Variants in FCER2 observed in about 807,000 individuals in gnomAD.
FCER2 encodes the protein low affinity immunoglobulin epsilon Fc receptor.
In FCER2, 38 loss-of-function variants were observed where a neutral mutation model predicts 49.7. The ratio of observed to expected loss-of-function variants is 0.76; its 90% CI spans 0.59 to 1.00. The LOEUF (loss-of-function observed/expected upper bound fraction) is 1.00, where lower values mean the gene tolerates loss of function less well. FCER2 is among the 50% of genes least tolerant of loss of function. FCER2 has a pLI of 0.00. For synonymous variants in FCER2, 163 were observed against 164.6 expected, an observed-to-expected ratio of 0.99 and a Z score of 0.07; for missense variants, 425 against 419.5, an observed-to-expected ratio of 1.01 and a Z score of -0.11.
At chr19:7,699,507 GTC>G in intron 2 of FCER2, 4 of 1,315,116 alleles carry the variant, frequency 3.0e-6, no homozygotes, top group Non-Finnish European at 3.9e-6. Flanking sequence ...TTCTTTTTTT[GTC>G]AGGAGGGTGT....
intron 8 of FCER2, among the ~76,000 whole-genome samples, chr19:7,696,118 T>G (rs964169315): frequency 2.2e-4 from 34 of 151,660 alleles, no homozygotes; most frequent in African/African-American, 8.0e-4. Flanking sequence ...AAATTTTTAT[T>G]GAGATGGAGT....
At chr19:7,690,824 A>G (rs1470210795) in intron 8 of FCER2, among the ~76,000 whole-genome samples, 7 of 151,966 alleles carry the variant, frequency 4.6e-5, no homozygotes, top group Admixed American at 3.9e-4. Flanking sequence ...CAACACCTCA[A>G]CTACCATCAG....
At chr19:7,691,866 T>A (rs1019278086) in intron 8 of FCER2, among the ~76,000 whole-genome samples, 1 of 152,024 alleles carries the variant, frequency 6.6e-6, no homozygotes, top group African/African-American at 2.4e-5. Flanking sequence ...GCAAACACTG[T>A]CACCACAAAC....
At chr19:7,696,940 C>A in intron 7 of FCER2, 26 bp from the exon 8 acceptor site, 1 of 1,566,108 alleles carries the variant, frequency 6.4e-7, no homozygotes, top group Non-Finnish European at 8.7e-7. Context: ...AGGGGCGGTG[C>A]TCAGAGACCA....
chr19:7,691,027 G>A (rs981516140), intron 8 of FCER2, among the ~76,000 whole-genome samples: 4 of 151,606 alleles, frequency 2.6e-5, no homozygotes, highest in Non-Finnish European at 5.9e-5. Flanking sequence ...ATGCATTCAC[G>A]TCCAACAACG....
In FCER2 at chr19:7,699,628, T is replaced by C. The variant is rs1011682356; in HGVS notation, c.22+111A>G. 7 of 1,290,584 alleles carry C rather than the reference T, an allele frequency of 5.4e-6. No homozygotes were observed. The African/African-American group carries it at 1.1e-4, about 19-fold the overall frequency. 79.9% of individuals were successfully genotyped at this position (1,290,584 alleles called of 1,614,324 possible). On this transcript the variant is annotated intron_variant, in intron 2 of 10. Transcript: ENST00000597921. ...CTCACACCAGTCCCTTTCTTAGAAA[T>C]TCACCCTCTTTCCCAGAGAGGGACT...
At chr19:7,701,632 C>T (rs2033153334) in intron 1 of FCER2, among the ~76,000 whole-genome samples, 1 of 152,040 alleles carries the variant, frequency 6.6e-6, no homozygotes, top group Non-Finnish European at 1.5e-5. Context: ...CATCTGGAGA[C>T]ATAATCTCAT....
At chr19:7,699,866 G>T in intron 1 of FCER2, 21 bp from the exon 2 acceptor site, 1 of 1,098,192 alleles carries the variant, frequency 9.1e-7, no homozygotes, top group South Asian at 1.3e-5. Context: ...ATTTAATGAT[G>T]GTTAGGGTGA....
chr19:7,696,979 C>T (rs1347421505), intron 7 of FCER2, 34 bp downstream of exon 7: 2 of 1,563,648 alleles, frequency 1.3e-6, no homozygotes, highest in Non-Finnish European at 1.7e-6. Flanking sequence ...TGTCCGTTCC[C>T]TCCCCCACTG....
intron 8 of FCER2, among the ~76,000 whole-genome samples, chr19:7,691,742 C>T (rs1274539443): frequency 6.6e-6 from 1 of 152,032 alleles, no homozygotes; most frequent in African/African-American, 2.4e-5. Context: ...ATCATCTCCA[C>T]AAACAACTCC....
At position 7,697,604 on chromosome 19, in the gene FCER2, G is replaced by C. The variant is rs781576535; in HGVS notation, c.191-15C>G. ...AACTTGAGAGACTGGAGCGGCGGGA[G>C]AGAAGAGATATCCCAGGAACCTCAA... On this transcript the variant is annotated splice_polypyrimidine_tract_variant and intron_variant, in intron 4 of 10. Coordinates refer to ENST00000597921, the MANE Select transcript of FCER2 (RefSeq NM_001220500.2). The C allele has an allele frequency of 1.2e-6, 2 of 1,613,008 alleles. No homozygotes were observed. Among genetic ancestry groups the C allele is most frequent in the Middle Eastern group, 3.3e-4 (2 of 6,060 alleles).
At chr19:7,699,489 T>G in intron 2 of FCER2, 1 of 1,341,482 alleles carries the variant, frequency 7.5e-7, no homozygotes, top group Non-Finnish European at 9.7e-7. Flanking sequence ...TTTTTTTTTT[T>G]TTTCTTTTTC....
chr19:7,692,645 ACTTCG>A (rs1274499415), intron 8 of FCER2, among the ~76,000 whole-genome samples: 63 of 146,784 alleles, frequency 4.3e-4, no homozygotes, highest in African/African-American at 1.6e-3. Context: ...CGCCATCAGC[ACTTCG>A]TGGTTAGCAA....
At position 7,699,374 on chromosome 19, in the gene FCER2, C is replaced by T. The variant is rs770400618; in HGVS notation, c.22+365G>A. ...CCTCAAGCCCCTGGCCCTCTGCACTCACCCTGGCTTGGAGGATTCATTATG... is the reference window on the plus strand; with the variant it reads ...CCTCAAGCCCCTGGCCCTCTGCACTTACCCTGGCTTGGAGGATTCATTATG... On this transcript the variant is annotated intron_variant, in intron 2 of 10. Transcript: ENST00000597921. The T allele has an allele frequency of 1.5e-5, 20 of 1,347,968 alleles. No individual in the cohort carries two copies. In the South Asian group the frequency reaches 2.2e-4, roughly 15 times the overall value. 83.5% of individuals were successfully genotyped at this position (1,347,968 alleles called of 1,614,324 possible). A position where few individuals can be genotyped will look rare whatever the true frequency, so the allele number is the denominator to read the frequency against.
intron 8 of FCER2, among the ~76,000 whole-genome samples, chr19:7,695,985 C>T (rs1265745581): frequency 2.2e-5 from 3 of 135,082 alleles, no homozygotes; most frequent in African/African-American, 5.7e-5. Flanking sequence ...TGCAGTGGTG[C>T]GAAGACAGCA....
chr19:7,692,493 A>G (rs78194327), intron 8 of FCER2, among the ~76,000 whole-genome samples: 28,464 of 109,980 alleles, frequency 0.26, 7,480 homozygotes, highest in African/African-American at 0.45. Flanking sequence ...CAACACCATC[A>G]GCACGAGCAC....
intron 6 of FCER2, 71 bp from the exon 7 acceptor site, chr19:7,697,146 G>C: frequency 6.2e-7 from 1 of 1,606,512 alleles, no homozygotes; most frequent in Non-Finnish European, 8.5e-7. Flanking sequence ...CCCCAAGCCT[G>C]GCCCCCCAGC....
In FCER2 at chr19:7,693,900, C is replaced by T. The variant is rs145855088; in HGVS notation, c.469+2925G>A. On this transcript the variant is annotated intron_variant, in intron 8 of 10. Transcript: ENST00000597921. ...CTGACCTCATGTGATCCACCTGCCT[C>T]GGCCTCCCAAAGTGCTGGGATTACA... Among the ~76,000 whole-genome samples, 343 of 151,084 alleles carry T rather than the reference C, an allele frequency of 2.3e-3. 2 individuals are homozygous for T. Among genetic ancestry groups the T allele is most frequent in the African/African-American group, 7.6e-3 (313 of 41,280 alleles).
rs1192958578 is a variant in FCER2 at position 7,689,293 on chromosome 19, G to A, written c.866C>T (p.Thr289Met). Residue 289 changes from threonine (T) to methionine (M), a missense_variant, in exon 11 of 11, where the codon ACG becomes ATG. Thr to Met is a moderately conservative substitution (Grantham distance 81). Transcript: ENST00000597921. The stretch of plus-strand genomic sequence containing the variant: ...CGCGGAACCTTCGCTGGCTGGCGGC[G>A]TGCATGTGGCCAGCCGGTCGCACAC... Reference protein sequence around the residue: ...AWVCDRLATCTPPASEGSAES... With the variant: ...AWVCDRLATCMPPASEGSAES... 37 of 1,613,262 alleles carry A rather than the reference G, an allele frequency of 2.3e-5. No homozygotes were observed. Among genetic ancestry groups the A allele is most frequent in the Non-Finnish European group, 2.9e-5 (34 of 1,179,808 alleles).
Sources: gnomAD v4.1 joint callset for allele counts (sites outside exome capture counted in the v4.1 genomes callset) on GRCh38, gnomAD v4.1.1 for gene constraint, MANE v1.5 for transcripts, NCBI Gene and HGNC (gene_info 2026-07-23, HGNC 2026-07-21) for gene names.